Variants in DDB2 observed in about 807,000 individuals in gnomAD.
The protein encoded by DDB2 is damage specific DNA binding protein 2.
In DDB2, 27 loss-of-function variants were observed where a neutral mutation model predicts 50.5. The observed-to-expected ratio is 0.53, with a 90% confidence interval of 0.39 to 0.74. The LOEUF (loss-of-function observed/expected upper bound fraction) is 0.74. Ranked by LOEUF, DDB2 falls within the 30% of genes least tolerant of loss-of-function variation. The pLI is 0.00. For synonymous variants in DDB2, 176 were observed against 205.5 expected (o/e 0.86, Z 1.23); for missense variants, 424 against 545.6 (o/e 0.78, Z 2.22).
chr11:47,217,096 C>A (rs774225296), intron 3 of DDB2, 47 bp downstream of exon 3: 4 of 1,560,146 alleles, frequency 2.6e-6, no homozygotes, highest in Non-Finnish European at 2.6e-6. Context: ...TGTTTGTTGG[C>A]TGGGTGCAGT....
At chr11:47,233,090 C>G (rs1333218325) in intron 4 of DDB2, 131 bp downstream of exon 4, 1 of 1,101,558 alleles carries the variant, frequency 9.1e-7, no homozygotes, top group Non-Finnish European at 1.4e-6. Flanking sequence ...ACTTTCCGCC[C>G]TTCTTTCTCT....
In DDB2 at chr11:47,216,191, G is replaced by A. The variant is rs1417807167; in HGVS notation, c.128-145G>A. On this transcript the variant is annotated intron_variant, in intron 1 of 9. Transcript: ENST00000256996. ...CATTTTTTTATTTCTGGTGCTCGTT[G>A]AGACCACACAGACATGGAAAGGCCG... 2.5e-6 allele frequency: 3 copies of A among 1,212,454 alleles called. No individual in the cohort carries two copies. The Admixed American group carries it at 5.0e-5, about 20-fold the overall frequency. The allele number at this position is 1,212,454 out of a possible 1,614,324, so 75.1% of individuals were successfully genotyped here.
rs1344542603 is a variant in DDB2 at position 47,234,567 on chromosome 11, C to T, written c.603-6C>T. On this transcript the variant is annotated splice_region_variant and splice_polypyrimidine_tract_variant and intron_variant, in intron 4 of 9. Transcript: ENST00000256996. ...AAGAATCTTACAACACAGTCTCTCC[C>T]TCCAGCATCTGGTTTTGTAGCCTGG... The T allele has an allele frequency of 1.2e-6, 2 of 1,612,696 alleles. No homozygotes were observed. Among genetic ancestry groups the T allele is most frequent in the South Asian group, 2.2e-5 (2 of 91,048 alleles).
chr11:47,215,373 G>A (rs1380238684), intron 1 of DDB2, 110 bp downstream of exon 1: 2 of 1,560,686 alleles, frequency 1.3e-6, no homozygotes, highest in East Asian at 2.2e-5. Context: ...GCAGGTCACG[G>A]GTGCCTCCGG....
chr11:47,225,579 G>A (rs762017413), intron 3 of DDB2, among the ~76,000 whole-genome samples: 3 of 151,268 alleles, frequency 2.0e-5, no homozygotes, highest in South Asian at 2.1e-4. Context: ...GCAACAGAGC[G>A]AGACTCCATC....
chr11:47,214,926 C>T, upstream of DDB2: 4 of 664,878 alleles, frequency 6.0e-6, no homozygotes, highest in South Asian at 1.9e-5. Context: ...CCCCGCCTTC[C>T]AGGAAGGGGC....
At chr11:47,229,776 C>A (rs1385681958) in intron 3 of DDB2, 5 of 404,426 alleles carry the variant, frequency 1.2e-5, no homozygotes, top group Middle Eastern at 8.5e-4. Context: ...TTACCTTAAT[C>A]TTTTATAAGT....
chr11:47,224,684 G>A (rs921642796), intron 3 of DDB2, among the ~76,000 whole-genome samples: 5 of 152,154 alleles, frequency 3.3e-5, no homozygotes, highest in African/African-American at 1.2e-4. Context: ...ATTTTGTGCA[G>A]TTGTTCACTG....
chr11:47,235,311 C>T lies in DDB2; in HGVS notation c.922C>T (p.Gln308Ter). 6.2e-7 allele frequency: 1 copy of T among 1,614,222 alleles called. No homozygotes were observed. Among genetic ancestry groups the T allele is most frequent in the Non-Finnish European group, 8.5e-7 (1 of 1,180,042 alleles). Residue 308 changes from glutamine to a stop codon, truncating the protein, a stop_gained, in exon 7 of 10, where the codon CAG (glutamine) becomes TAG (stop). Transcript: ENST00000256996. LOFTEE classifies it high-confidence loss of function. ...TGGAGCCCGGCTCCTGACCACGGAC[C>T]AGAAGAGCGAGATCCGAGTTTACTC... ...PDGARLLTTD[Q>*]KSEIRVYSAS...
chr11:47,217,057 G>T lies in DDB2; in HGVS notation c.456+8G>T. 6.2e-7 allele frequency: 1 copy of T among 1,612,080 alleles called. No homozygotes were observed. Among genetic ancestry groups the T allele is most frequent in the Non-Finnish European group, 8.5e-7 (1 of 1,178,222 alleles). ...CCCACCTTCATCAAAGGGGTGAGCA[G>T]TTCCCCATGCCAGGTCGTGCTAAAG... On this transcript the variant is annotated splice_region_variant and intron_variant, in intron 3 of 9. Transcript: ENST00000256996.
intron 6 of DDB2, 68 bp downstream of exon 6, chr11:47,235,002 C>G: frequency 6.4e-7 from 1 of 1,566,672 alleles, no homozygotes; most frequent in Admixed American, 1.7e-5. Flanking sequence ...GGTTTTCCCT[C>G]AGTGTGGAAG....
intron 3 of DDB2, among the ~76,000 whole-genome samples, chr11:47,217,763 C>A (rs577284473): frequency 6.6e-6 from 1 of 151,984 alleles, no homozygotes. Flanking sequence ...TGGTGGTGTG[C>A]GCCTGTAGTC....
At chr11:47,224,677 T>G (rs997898463) in intron 3 of DDB2, among the ~76,000 whole-genome samples, 1 of 152,232 alleles carries the variant, frequency 6.6e-6, no homozygotes, top group Non-Finnish European at 1.5e-5. Flanking sequence ...CTGTTTCATT[T>G]TGTGCAGTTG....
At chr11:47,237,256 G>T (rs1363895154) in intron 7 of DDB2, among the ~76,000 whole-genome samples, 2 of 152,142 alleles carry the variant, frequency 1.3e-5, no homozygotes, top group African/African-American at 4.8e-5. Context: ...TTACCAGTTG[G>T]TATGATCTTA....
At chr11:47,228,285 G>A (rs1218784302) in intron 3 of DDB2, among the ~76,000 whole-genome samples, 1 of 150,540 alleles carries the variant, frequency 6.6e-6, no homozygotes, top group Non-Finnish European at 1.5e-5. Context: ...AAAAAATTAT[G>A]CTGCCCTCTT....
At chr11:47,225,597 T>A (rs568295177) in intron 3 of DDB2, among the ~76,000 whole-genome samples, 3,223 of 141,414 alleles carry the variant, frequency 0.023, 88 homozygotes, top group Admixed American at 0.09. Context: ...ATCTCTATTT[T>A]AAAAAAAAAA....
In DDB2 at chr11:47,215,013, C is replaced by T; in HGVS notation, c.-124C>T. 1 of 1,467,352 alleles carries T rather than the reference C, an allele frequency of 6.8e-7. No homozygotes were observed. The highest frequency in any genetic ancestry group is 9.5e-7 in the Non-Finnish European group (1 of 1,053,416). 90.9% of individuals were successfully genotyped at this position (1,467,352 alleles called of 1,614,324 possible). On this transcript the variant is annotated 5_prime_UTR_variant, in exon 1 of 10. Transcript: ENST00000256996. ...CTGGGCATGTTTGGCGGGAAGTTGG[C>T]TTAGCTCGGCTACCTGTGGCCCCGC...
intron 4 of DDB2, 155 bp downstream of exon 4, chr11:47,233,114 C>A: frequency 1.1e-6 from 1 of 887,782 alleles, no homozygotes; most frequent in Non-Finnish European, 1.8e-6. Flanking sequence ...TCAAACTGCT[C>A]CTTGGCTGCC....
chr11:47,223,778 C>T (rs989051789), intron 3 of DDB2, among the ~76,000 whole-genome samples: 4 of 152,134 alleles, frequency 2.6e-5, no homozygotes, highest in Middle Eastern at 6.8e-3. Context: ...AAGACTCCGT[C>T]TAAAATAAAT....
Sources: gnomAD v4.1 joint callset for allele counts (sites outside exome capture counted in the v4.1 genomes callset) on GRCh38, gnomAD v4.1.1 for gene constraint, MANE v1.5 for transcripts, NCBI Gene and HGNC (gene_info 2026-07-23, HGNC 2026-07-21) for gene names.